SGSM2: variants seen among roughly 807,000 people sequenced by gnomAD.
The protein encoded by SGSM2 is RUN and TBC1 domain containing 1.
SGSM2 carries 89 observed loss-of-function variants against 126.6 expected under a neutral mutation model. The observed-to-expected ratio is 0.70, with a 90% CI of 0.59 to 0.84. SGSM2 has a LOEUF of 0.84. SGSM2 is among the 40% of genes least tolerant of loss of function. The pLI, the probability that SGSM2 is intolerant of heterozygous loss-of-function variation, is 0.00. For missense variants in SGSM2, 1,404 were observed against 1,416.6 expected (o/e 0.99, Z 0.14); for synonymous variants, 614 against 574.3 (o/e 1.07, Z -0.99).
intron 2 of SGSM2, among the ~76,000 whole-genome samples, chr17:2,357,296 G>A (rs2065126177): frequency 6.6e-6 from 1 of 152,052 alleles, no homozygotes. Context: ...GATGGGATGG[G>A]CTGACAGGGT....
intron 2 of SGSM2, among the ~76,000 whole-genome samples, chr17:2,349,344 C>T (rs949222127): frequency 6.6e-6 from 1 of 151,446 alleles, no homozygotes; most frequent in African/African-American, 2.4e-5. Context: ...TGCTGCACTC[C>T]AGCCTGGGCG....
intron 13 of SGSM2, 194 bp from the exon 14 acceptor site, chr17:2,371,996 G>T (rs2065893269): frequency 1.6e-6 from 1 of 617,946 alleles, no homozygotes; most frequent in East Asian, 2.9e-5. Context: ...GGGCCAGGCG[G>T]GGGCCCCACA....
chr17:2,371,048 C>T (rs1248671777), intron 12 of SGSM2, among the ~76,000 whole-genome samples: 3 of 152,232 alleles, frequency 2.0e-5, no homozygotes, highest in African/African-American at 7.2e-5. Context: ...CCTTGCGCCC[C>T]TCTCCAGGCT....
chr17:2,341,379 C>T (rs1259621453), intron 1 of SGSM2, among the ~76,000 whole-genome samples: 1 of 152,214 alleles, frequency 6.6e-6, no homozygotes, highest in Non-Finnish European at 1.5e-5. Context: ...CCATGCCCAG[C>T]CGTCTAGGAA....
chr17:2,373,166 C>T, intron 16 of SGSM2, 85 bp downstream of exon 16: 1 of 1,570,372 alleles, frequency 6.4e-7, no homozygotes. Context: ...AAGCCTCAGC[C>T]CCTTCCCAGC....
intron 2 of SGSM2, among the ~76,000 whole-genome samples, chr17:2,357,778 T>A (rs2065141604): frequency 6.6e-6 from 1 of 152,246 alleles, no homozygotes; most frequent in Admixed American, 6.5e-5. Context: ...ATTACAGGTG[T>A]GAGCCACCAT....
chr17:2,358,854 C>CT (rs2065185056), intron 2 of SGSM2, among the ~76,000 whole-genome samples: 1 of 139,248 alleles, frequency 7.2e-6, no homozygotes, highest in Non-Finnish European at 1.5e-5. Flanking sequence ...GGGAGGGGCT[C>CT]TTTTTTGTTG....
chr17:2,346,356 G>A (rs1350107786), intron 2 of SGSM2, among the ~76,000 whole-genome samples: 1 of 152,116 alleles, frequency 6.6e-6, no homozygotes, highest in South Asian at 2.1e-4. Flanking sequence ...GGAGAGCCAG[G>A]CCTAGGCAAT....
rs746573785 is a variant in SGSM2 at position 2,372,999 on chromosome 17, T to C, written c.1835T>C (p.Ile612Thr). The C allele has an allele frequency of 5.7e-6, 9 of 1,592,062 alleles. No individual in the cohort carries two copies. The highest frequency in any genetic ancestry group is 4.6e-5 in the East Asian group (2 of 43,910). The change falls in exon 16 of 24, where the codon ATA becomes ACA. Residue 612 changes from isoleucine (I) to threonine (T), a missense_variant. By Grantham distance (89) the Ile-to-Thr change is moderately conservative. Coordinates refer to ENST00000268989, the MANE Select transcript of SGSM2 (RefSeq NM_014853.3). The surrounding 1 kb of genome is among the most constrained non-coding windows in gnomAD (Gnocchi z 6.0). ...ELLRQVYYGG[I>T]EHEIRKDVWP... The stretch of plus-strand genomic sequence containing the variant: ...CTGCGGCAAGTTTACTACGGAGGCA[T>C]AGAGCACGAGATCCGCAAGGACGTC...
At chr17:2,365,440 A>G in intron 11 of SGSM2, 99 bp downstream of exon 11, 1 of 1,376,384 alleles carries the variant, frequency 7.3e-7, no homozygotes, top group South Asian at 1.5e-5. Context: ...GGGCCCACTG[A>G]CCAGGCCAGG....
At chr17:2,361,125 A>G (rs1382147952) in intron 2 of SGSM2, among the ~76,000 whole-genome samples, 1 of 152,224 alleles carries the variant, frequency 6.6e-6, no homozygotes, top group Non-Finnish European at 1.5e-5. Flanking sequence ...CCTAGCATGG[A>G]AAAGAGAAAT....
In SGSM2 at chr17:2,337,778, C is replaced by A; in HGVS notation, c.57+33C>A. ...CGAGTCAAGAACCCCGGGGGGCTCG[C>A]GCCCTGGCCCGCGCGGCCCAGGGGG... is the stretch of plus-strand genomic sequence containing the variant. On this transcript the variant is annotated intron_variant, in intron 1 of 23. Coordinates refer to ENST00000268989, the MANE Select transcript of SGSM2 (RefSeq NM_014853.3). The surrounding 1 kb of genome is among the most constrained non-coding windows in gnomAD (Gnocchi z 5.1). The A allele has an allele frequency of 6.8e-7, 1 of 1,476,918 alleles. No homozygotes were observed. The highest frequency in any genetic ancestry group is 9.1e-7 in the Non-Finnish European group (1 of 1,103,132). 91.5% of individuals were successfully genotyped at this position (1,476,918 alleles called of 1,614,324 possible). A position where few individuals can be genotyped will look rare whatever the true frequency, so the allele number is the denominator to read the frequency against.
At chr17:2,369,396 G>A (rs753633294) in intron 12 of SGSM2, among the ~76,000 whole-genome samples, 1 of 152,140 alleles carries the variant, frequency 6.6e-6, no homozygotes, top group Admixed American at 6.5e-5. Context: ...GAGTCTTAGG[G>A]GCTGTGGGGT....
intron 1 of SGSM2, among the ~76,000 whole-genome samples, chr17:2,338,774 A>AATATATATATATATATATATATAT (rs148031213): frequency 0.018 from 2,375 of 133,398 alleles, 68 homozygotes; most frequent in Non-Finnish European, 0.024. Context: ...CCGTCTCCCT[A>AATATATATATATATATATATATAT]ATATATATAT....
In SGSM2 at chr17:2,376,723, T is replaced by G; in HGVS notation, c.2610-10T>G. The G allele has an allele frequency of 6.2e-7, 1 of 1,609,280 alleles. No individual in the cohort carries two copies. Among genetic ancestry groups the G allele is most frequent in the East Asian group, 2.2e-5 (1 of 44,886 alleles). On this transcript the variant is annotated splice_polypyrimidine_tract_variant and intron_variant, in intron 19 of 23. Transcript: ENST00000268989. The stretch of plus-strand genomic sequence containing the variant: ...GGCACAGCCACAGTGACTCTCCCCC[T>G]GCCTTTCAGCTACGTGTGGGAGCAC...
At chr17:2,360,679 C>G (rs2065270820) in intron 2 of SGSM2, among the ~76,000 whole-genome samples, 1 of 152,280 alleles carries the variant, frequency 6.6e-6, no homozygotes, top group South Asian at 2.1e-4. Context: ...GTGCCAAGCT[C>G]AGACTTTGTT....
chr17:2,369,116 G>C (rs188877366), intron 12 of SGSM2, among the ~76,000 whole-genome samples: 1 of 152,216 alleles, frequency 6.6e-6, no homozygotes, highest in Non-Finnish European at 1.5e-5. Flanking sequence ...GGAGGCATAA[G>C]AGCAGAATCA....
chr17:2,369,387 A>G (rs1291882288), intron 12 of SGSM2, among the ~76,000 whole-genome samples: 1 of 151,834 alleles, frequency 6.6e-6, no homozygotes. Context: ...TTTCACTCGG[A>G]GTCTTAGGGG....
chr17:2,372,946 C>T lies in SGSM2; in HGVS notation c.1789-7C>T, dbSNP rs1396558735. ...GCTGCACAGTCTTGACTCCCCGGGT[C>T]CCTCAGAACTACAAAGAGCTGGAGC... is the stretch of plus-strand genomic sequence containing the variant. On this transcript the variant is annotated splice_polypyrimidine_tract_variant and splice_region_variant and intron_variant, in intron 15 of 23. Transcript: ENST00000268989. This position sits in a 1 kb window ranked among gnomAD's most constrained non-coding sequence, Gnocchi z 6.0. 6.4e-6 allele frequency: 10 copies of T among 1,558,638 alleles called. No homozygotes were observed. The highest frequency in any genetic ancestry group is 1.7e-4 in the Middle Eastern group (1 of 6,028).
Sources: gnomAD v4.1 joint callset for allele counts (sites outside exome capture counted in the v4.1 genomes callset) on GRCh38, gnomAD v4.1.1 for gene constraint, Gnocchi (gnomAD v3.1) non-coding constraint, MANE v1.5 for transcripts, NCBI Gene and HGNC (gene_info 2026-07-23, HGNC 2026-07-21) for gene names.